MACROD2: variants seen among roughly 807,000 people sequenced by gnomAD.
MACROD2 encodes ADP-ribose glycohydrolase MACROD2.
In MACROD2, 36 loss-of-function variants were observed where a neutral mutation model predicts 70.4. The ratio of observed to expected loss-of-function variants is 0.51; its 90% confidence interval spans 0.39 to 0.68. The LOEUF is 0.68. Among genes scored for constraint, MACROD2 ranks in the 30% least tolerant of loss-of-function variants. The pLI, the probability that MACROD2 is intolerant of heterozygous loss-of-function variation, is 0.00. For missense variants in MACROD2, 496 were observed against 538.4 expected (o/e 0.92, Z 0.78); for synonymous variants, 172 against 178.8 (o/e 0.96, Z 0.30).
chr20:14,898,921 A>G (rs1055246099), intron 5 of MACROD2, among the ~76,000 whole-genome samples: 1 of 152,202 alleles, frequency 6.6e-6, no homozygotes, highest in Non-Finnish European at 1.5e-5. Flanking sequence ...GAACTAATAA[A>G]GCTGTATGAC....
rs550856292 is a variant in MACROD2 at position 14,878,407 on chromosome 20, T to G, written c.418+193448T>G. On this transcript the variant is annotated intron_variant, in intron 5 of 17. Transcript: ENST00000684519. ...GATTAGTTGGGGCACATTCATATTTTTTTGTTAGGGAGTCTATGTCCTCTC... is the reference window on the plus strand; with the variant it reads ...GATTAGTTGGGGCACATTCATATTTGTTTGTTAGGGAGTCTATGTCCTCTC... 2.0e-5 allele frequency among the ~76,000 whole-genome samples: 3 copies of G among 152,262 alleles called. No individual in the cohort carries two copies. The East Asian group carries it at 5.8e-4, about 29-fold the overall frequency.
chr20:14,001,029 G>A (rs2052727359), intron 1 of MACROD2, among the ~76,000 whole-genome samples: 1 of 152,092 alleles, frequency 6.6e-6, no homozygotes, highest in African/African-American at 2.4e-5. Context: ...AATTCTTCCT[G>A]TCCTTTGTGA....
intron 5 of MACROD2, among the ~76,000 whole-genome samples, chr20:15,206,272 T>C (rs1601225115): frequency 6.6e-6 from 1 of 152,172 alleles, no homozygotes; most frequent in Non-Finnish European, 1.5e-5. Context: ...TAATTTGCAA[T>C]GAAACCTACA....
At chr20:15,033,745 TAAAC>T (rs991172727) in intron 5 of MACROD2, among the ~76,000 whole-genome samples, 20 of 152,262 alleles carry the variant, frequency 1.3e-4, no homozygotes, top group East Asian at 3.9e-4. Context: ...GAAATTAAAA[TAAAC>T]AAACCTGTCC....
chr20:14,870,991 C>T (rs910879147), intron 5 of MACROD2, among the ~76,000 whole-genome samples: 2 of 152,052 alleles, frequency 1.3e-5, no homozygotes, highest in Non-Finnish European at 1.5e-5. Context: ...GTTGCAATTG[C>T]TTTTAGTGTC....
At chr20:14,285,597 A>G (rs2082337263) in intron 3 of MACROD2, among the ~76,000 whole-genome samples, 1 of 152,038 alleles carries the variant, frequency 6.6e-6, no homozygotes, top group Non-Finnish European at 1.5e-5. Context: ...AGTAAAAAAC[A>G]ATAAAAAAAA....
chr20:15,137,715 TA>T lies in MACROD2; in HGVS notation c.419-92216del, dbSNP rs563307521. ...CCTAAAACTTAAAGTATAATAATAATAAAAAAAAATAATAATCTTAAAGGTA... is the reference window on the plus strand; with the variant it reads ...CCTAAAACTTAAAGTATAATAATAATAAAAAAAATAATAATCTTAAAGGTA... On this transcript the variant is annotated intron_variant, in intron 5 of 17. Coordinates refer to ENST00000684519, the MANE Select transcript of MACROD2 (RefSeq NM_001351661.2). Among the ~76,000 whole-genome samples, 278 of 150,592 alleles carry T rather than the reference TA, an allele frequency of 1.8e-3. 1 individual carries two copies. Among genetic ancestry groups the T allele is most frequent in the South Asian group, 5.9e-3 (28 of 4,760 alleles).
At chr20:15,945,605 T>C (rs1163249304) in intron 12 of MACROD2, among the ~76,000 whole-genome samples, 1 of 152,246 alleles carries the variant, frequency 6.6e-6, no homozygotes, top group Non-Finnish European at 1.5e-5. Flanking sequence ...CAATAGGCTA[T>C]AGCAATTCAT....
At chr20:15,088,572 C>T (rs993635971) in intron 5 of MACROD2, among the ~76,000 whole-genome samples, 1 of 150,238 alleles carries the variant, frequency 6.7e-6, no homozygotes, top group South Asian at 2.1e-4. Context: ...ATCTGTGAAT[C>T]GATGAATAAG....
intron 5 of MACROD2, among the ~76,000 whole-genome samples, chr20:14,864,605 G>T (rs1215142657): frequency 6.6e-6 from 1 of 152,084 alleles, no homozygotes; most frequent in Non-Finnish European, 1.5e-5. Context: ...TAGAGAAATA[G>T]TGAGTGTTGA....
chr20:15,531,292 T>G (rs1292086095), intron 8 of MACROD2, among the ~76,000 whole-genome samples: 1 of 151,216 alleles, frequency 6.6e-6, no homozygotes, highest in Non-Finnish European at 1.5e-5. Flanking sequence ...TAATTATTTT[T>G]ACAAAATATG....
chr20:15,542,119 A>G (rs1240096461), intron 8 of MACROD2, among the ~76,000 whole-genome samples: 1 of 152,340 alleles, frequency 6.6e-6, no homozygotes, highest in South Asian at 2.1e-4. Context: ...TACAAAAAAA[A>G]GTATATCAGA....
chr20:14,998,764 G>A (rs1188915442), intron 5 of MACROD2, among the ~76,000 whole-genome samples: 7 of 152,250 alleles, frequency 4.6e-5, no homozygotes, highest in South Asian at 2.1e-4. Context: ...AGATATCAAC[G>A]TGCAAGTACA....
intron 8 of MACROD2, among the ~76,000 whole-genome samples, chr20:15,629,258 T>C (rs531986199): frequency 6.6e-6 from 1 of 152,354 alleles, no homozygotes; most frequent in Admixed American, 6.5e-5. Context: ...CCACATCCAC[T>C]GTTAATATCA....
intron 5 of MACROD2, among the ~76,000 whole-genome samples, chr20:14,889,251 C>A (rs2073720450): frequency 6.6e-6 from 1 of 152,084 alleles, no homozygotes; most frequent in Non-Finnish European, 1.5e-5. Flanking sequence ...GTTGTAGGCA[C>A]TGAGGATATA....
In MACROD2 at chr20:14,270,618, G is replaced by A. The variant is rs117371955; in HGVS notation, c.271+184890G>A. 1.3e-3 allele frequency among the ~76,000 whole-genome samples: 188 copies of A among 149,056 alleles called. 3 individuals carry two copies. In the East Asian group the frequency reaches 0.03, roughly 24 times the overall value. ...AAAAAAAAAAAGGTTTTCAAGACAA[G>A]TACCATGTCTCTCAACCTCTTTTTT... On this transcript the variant is annotated intron_variant, in intron 3 of 17. Transcript: ENST00000684519.
chr20:14,346,668 AATGGGTGGTGATGTCT>A (rs1411324536), intron 3 of MACROD2, among the ~76,000 whole-genome samples: 1 of 152,100 alleles, frequency 6.6e-6, no homozygotes, highest in Non-Finnish European at 1.5e-5. Context: ...AATTAGGAGG[AATGGGTGGTGATGTCT>A]AAGTAATCTG....
chr20:15,245,280 G>A (rs1434456138), intron 6 of MACROD2, among the ~76,000 whole-genome samples: 1 of 152,172 alleles, frequency 6.6e-6, no homozygotes, highest in African/African-American at 2.4e-5. Flanking sequence ...TAAGGATGAT[G>A]ACATATTGCA....
chr20:14,468,593 A>G (rs1212210579), intron 3 of MACROD2, among the ~76,000 whole-genome samples: 2 of 151,148 alleles, frequency 1.3e-5, no homozygotes, highest in East Asian at 3.9e-4. Context: ...GCTCACTGCA[A>G]CCTCCGCCTC....
Sources: gnomAD v4.1 joint callset for allele counts (sites outside exome capture counted in the v4.1 genomes callset) on GRCh38, gnomAD v4.1.1 for gene constraint, MANE v1.5 for transcripts, NCBI Gene and HGNC (gene_info 2026-07-23, HGNC 2026-07-21) for gene names.